VSIG10L: variants seen among roughly 807,000 people sequenced by gnomAD.
The protein encoded by VSIG10L is V-set and immunoglobulin domain-containing protein 10-like.
In VSIG10L, 63 loss-of-function variants were observed where a neutral mutation model predicts 67.3. That is an observed-to-expected ratio of 0.94 (90% confidence interval 0.76 to 1.15). The LOEUF (loss-of-function observed/expected upper bound fraction) is 1.15. VSIG10L is among the 50% of genes most tolerant of loss of function. The pLI, the probability that VSIG10L is intolerant of heterozygous loss-of-function variation, is 0.00. For missense variants in VSIG10L, 1,050 were observed against 1,177.5 expected (o/e 0.89, Z 1.58); for synonymous variants, 499 against 524.9 (o/e 0.95, Z 0.67).
Position 51,341,614 on chromosome 19 carries a change from A to G in VSIG10L, c.434T>C (p.Ile145Thr). 6.4e-7 allele frequency: 1 copy of G among 1,551,716 alleles called. No individual in the cohort carries two copies. ...SFTVKTPASNISTQVSHTKLS... is the reference protein window; with the variant it reads ...SFTVKTPASNTSTQVSHTKLS... Reference sequence around the variant, plus strand: ...TTTGGTATGGGAGACTTGAGTAGAAATGTTTGAAGCTGGGGTCTTAACAGT... The same window carrying G: ...TTTGGTATGGGAGACTTGAGTAGAAGTGTTTGAAGCTGGGGTCTTAACAGT... Residue 145 changes from isoleucine (I) to threonine (T), a missense_variant, in exon 2 of 10, where the codon ATT becomes ACT. Transcript: ENST00000335624.
rs761171116 is a variant in VSIG10L, at chr19:51,337,546, T to G, written c.2009-12A>C. ...GGATATGGAGGGTCCTAGAGGGATG[T>G]GGGGGTGGCTGGATTCTTGGGTGCC... On this transcript the variant is annotated splice_polypyrimidine_tract_variant and intron_variant, in intron 6 of 9. Coordinates refer to ENST00000335624, the MANE Select transcript of VSIG10L (RefSeq NM_001163922.3). 36 of 1,102,850 alleles carry G rather than the reference T, an allele frequency of 3.3e-5. No individual in the cohort carries two copies. Among genetic ancestry groups the G allele is most frequent in the Non-Finnish European group, 1.2e-5 (11 of 885,656 alleles). 68.3% of individuals were successfully genotyped at this position (1,102,850 alleles called of 1,614,324 possible). A position where few individuals can be genotyped will look rare whatever the true frequency, so the allele number is the denominator to read the frequency against.
chr19:51,340,060 G>A lies in VSIG10L; in HGVS notation c.1429C>T (p.Arg477Cys). The A allele has an allele frequency of 2.1e-6, 3 of 1,435,702 alleles. No individual in the cohort carries two copies. The highest frequency in any genetic ancestry group is 1.5e-5 in the African/African-American group (1 of 67,710). 88.9% of individuals were successfully genotyped at this position (1,435,702 alleles called of 1,614,324 possible). The change falls in exon 4 of 10, where the codon CGT becomes TGT. Residue 477 changes from arginine (R) to cysteine (C), a missense_variant. Physicochemically the swap from Arg to Cys is radical, Grantham distance 180 (BLOSUM62 -3). Coordinates refer to ENST00000335624, the MANE Select transcript of VSIG10L (RefSeq NM_001163922.3). This position sits in a 1 kb window ranked among gnomAD's most constrained non-coding sequence, Gnocchi z 6.3. ...AGCGAGCGGCGGCGGCGGCCGGTAC[G>A]CGGGTTCGCCGCCAGGCAGGCGTAG... Reference protein sequence around the residue: ...GTYACLAANPRTGRRRRSLLN... With the variant: ...GTYACLAANPCTGRRRRSLLN...
At chr19:51,332,996 C>T (rs534020368) in intron 9 of VSIG10L, among the ~76,000 whole-genome samples, 2 of 152,010 alleles carry the variant, frequency 1.3e-5, no homozygotes, top group African/African-American at 2.4e-5. Context: ...ACTACAGGTA[C>T]GTGCCACCAT....
Position 51,333,796 on chromosome 19 carries a change from AG to A in VSIG10L, c.2568del (p.Tyr857ThrfsTer81). On this transcript the variant is annotated frameshift_variant, in exon 9 of 10. Transcript: ENST00000335624. LOFTEE classifies it low-confidence loss of function (END_TRUNC). ...ATGAGGGCACCCACACTCACTTGGT[AG>A]GCCCTAGTTGAGCTGTGGTCCTCCA... The part of the protein sequence containing the change: ...VPLEDHSSTR[A>X]YQAQTPVQLS... 6.5e-7 allele frequency: 1 copy of A among 1,543,936 alleles called. No individual in the cohort carries two copies. The highest frequency in any genetic ancestry group is 2.4e-5 in the East Asian group (1 of 40,840).
intron 6 of VSIG10L, 118 bp downstream of exon 6, chr19:51,337,812 C>A: frequency 7.6e-7 from 1 of 1,308,484 alleles, no homozygotes; most frequent in Non-Finnish European, 1.0e-6. Context: ...GGAGGAGAGG[C>A]TGGGGGCCTG....
In VSIG10L at chr19:51,340,292, CG is replaced by C. The variant is rs1316793881; in HGVS notation, c.1196del (p.Pro399ArgfsTer26). 2.6e-6 allele frequency: 4 copies of C among 1,517,922 alleles called. No homozygotes were observed. In the Admixed American group the frequency reaches 8.1e-5, roughly 31 times the overall value. 94.0% of individuals were successfully genotyped at this position (1,517,922 alleles called of 1,614,324 possible). On this transcript the variant is annotated frameshift_variant, in exon 4 of 10. Coordinates refer to ENST00000335624, the MANE Select transcript of VSIG10L (RefSeq NM_001163922.3). LOFTEE classifies it high-confidence loss of function. This position sits in a 1 kb window ranked among gnomAD's most constrained non-coding sequence, Gnocchi z 6.3. ...AAADVSVFYGPDPPTITVSSD... is the reference protein window; with the variant it reads ...AAADVSVFYGXDPPTITVSSD... ...AGGAGACCGTGATGGTCGGCGGGTC[CG>C]GGCCGTCTGGAGGGAGGAGGGGTCG...
rs1357610886 is a variant in VSIG10L, at chr19:51,337,330, G to A, written c.2213C>T (p.Pro738Leu). Residue 738 changes from proline (P) to leucine (L), a missense_variant, in exon 7 of 10, where the codon CCA (proline) becomes CTA (leucine). Transcript: ENST00000335624. ...PQERSAVVPL[P>L]PRNPGTWTFR... ...GGTCCAGGTCCCTGGGTTCCGAGGT[G>A]GAAGGGGCACCACGGCTGACCGCTC... 6.4e-7 allele frequency: 1 copy of A among 1,551,698 alleles called. No homozygotes were observed. Among genetic ancestry groups the A allele is most frequent in the Non-Finnish European group, 8.7e-7 (1 of 1,146,972 alleles).
Position 51,341,295 on chromosome 19 carries a change from G to T in VSIG10L, c.753C>A (p.His251Gln). 2 of 1,546,620 alleles carry T rather than the reference G, an allele frequency of 1.3e-6. No individual in the cohort carries two copies. Residue 251 changes from histidine (H) to glutamine (Q), a missense_variant, in exon 2 of 10, where the codon CAC becomes CAA. Transcript: ENST00000335624. ...CCTGGTCAAATCGCAGGTGGTCTCG[G>T]TGAGCAGGGTCCAGGCTGATCAGAG... is the stretch of plus-strand genomic sequence containing the variant. ...GAPLISLDPA[H>Q]RDHLRFDQAR...
chr19:51,336,683 GC>G (rs1337215935), intron 7 of VSIG10L, among the ~76,000 whole-genome samples: 2 of 151,964 alleles, frequency 1.3e-5, no homozygotes, highest in African/African-American at 4.8e-5. Context: ...GGATGAAACA[GC>G]CGCCACCAGG....
In VSIG10L at chr19:51,340,684, G is replaced by C. The variant is rs1985615731; in HGVS notation, c.938C>G (p.Thr313Arg). The change falls in exon 3 of 10, where the codon ACA becomes AGA. Residue 313 changes from threonine (T) to arginine (R), a missense_variant. This residue lies in a region of VSIG10L where 511 missense variants were observed against 557.9 expected (regional missense o/e 0.92). Transcript: ENST00000335624. The surrounding 1 kb of genome is among the most constrained non-coding windows in gnomAD (Gnocchi z 6.3). ...CCGGAGCTCGGCCGCCCCCTCCTCTGTCTCTGGAGCCTTGGGCTGAACCGA... is the reference window on the plus strand; with the variant it reads ...CCGGAGCTCGGCCGCCCCCTCCTCTCTCTCTGGAGCCTTGGGCTGAACCGA... ...QLSVQPKAPETEEGAAELRLR... is the reference protein window; with the variant it reads ...QLSVQPKAPEREEGAAELRLR... 1.3e-6 allele frequency: 2 copies of C among 1,525,996 alleles called. No homozygotes were observed. The highest frequency in any genetic ancestry group is 2.0e-5 in the Admixed American group (1 of 50,140). The allele number at this position is 1,525,996 out of a possible 1,614,324, so 94.5% of individuals were successfully genotyped here. A position where few individuals can be genotyped will look rare whatever the true frequency, so the allele number is the denominator to read the frequency against.
rs747856833 is a variant in VSIG10L, at chr19:51,340,039, A to AGCG, written c.1447_1449dup (p.Arg483dup). 14 of 1,436,706 alleles carry AGCG rather than the reference A, an allele frequency of 9.7e-6. No individual in the cohort carries two copies. In the Admixed American group the frequency reaches 1.0e-4, roughly 11 times the overall value. The allele number at this position is 1,436,706 out of a possible 1,614,324, so 89.0% of individuals were successfully genotyped here. A position where few individuals can be genotyped will look rare whatever the true frequency, so the allele number is the denominator to read the frequency against. On this transcript the variant is annotated inframe_insertion, in exon 4 of 10. Transcript: ENST00000335624. This position sits in a 1 kb window ranked among gnomAD's most constrained non-coding sequence, Gnocchi z 6.3. ...CCCGCCACTGTAAGGTTGAGCAGCG[A>AGCG]GCGGCGGCGGCGGCCGGTACGCGGG... is the stretch of plus-strand genomic sequence containing the variant.
Position 51,338,926 on chromosome 19 carries a change from C to A in VSIG10L, c.1691G>T (p.Arg564Leu). Reference sequence around the variant, plus strand: ...GCAGGTACGCGTGGCCACCAGGTGGCGAGCAAGGCAGGTGATGGGGACGCC... The same window carrying A: ...GCAGGTACGCGTGGCCACCAGGTGGAGAGCAAGGCAGGTGATGGGGACGCC... Reference protein sequence around the residue: ...LSGVPITCLARHLVATRTCTV... With the variant: ...LSGVPITCLALHLVATRTCTV... The change falls in exon 5 of 10, where the codon CGC becomes CTC. Residue 564 changes from arginine to leucine, a missense_variant. Physicochemically the swap from Arg to Leu is moderately radical, Grantham distance 102 (BLOSUM62 -2). Transcript: ENST00000335624. 1 of 1,445,510 alleles carries A rather than the reference C, an allele frequency of 6.9e-7. No homozygotes were observed. Among genetic ancestry groups the A allele is most frequent in the South Asian group, 1.4e-5 (1 of 71,944 alleles). 89.5% of individuals were successfully genotyped at this position (1,445,510 alleles called of 1,614,324 possible).
chr19:51,340,391 C>G lies in VSIG10L; in HGVS notation c.1189+42G>C. 1 of 1,462,152 alleles carries G rather than the reference C, an allele frequency of 6.8e-7. No homozygotes were observed. The highest frequency in any genetic ancestry group is 2.6e-5 in the East Asian group (1 of 38,884). 90.6% of individuals were successfully genotyped at this position (1,462,152 alleles called of 1,614,324 possible). ...GACTGGGTCCCCAGCCCGCTTCTCC[C>G]CAAGGACCCCCTGTCCCCGACCCGA... On this transcript the variant is annotated intron_variant, in intron 3 of 9. Coordinates refer to ENST00000335624, the MANE Select transcript of VSIG10L (RefSeq NM_001163922.3). This position sits in a 1 kb window ranked among gnomAD's most constrained non-coding sequence, Gnocchi z 6.3.
At chr19:51,338,829 C>T in intron 5 of VSIG10L, 59 bp downstream of exon 5, 2 of 1,337,048 alleles carry the variant, frequency 1.5e-6, no homozygotes, top group Non-Finnish European at 1.9e-6. Flanking sequence ...TTTCGAAGGA[C>T]CAAAGAAAAA....
chr19:51,337,898 A>T (rs1186058153), intron 6 of VSIG10L, 32 bp downstream of exon 6: 2 of 1,514,518 alleles, frequency 1.3e-6, no homozygotes, highest in Admixed American at 2.2e-5. Context: ...GGGGACGTGG[A>T]CTTCAGGGTT....
Position 51,340,495 on chromosome 19 carries a change from T to C in VSIG10L, c.1127A>G (p.Tyr376Cys). The C allele has an allele frequency of 6.5e-7, 1 of 1,528,172 alleles. No homozygotes were observed. Among genetic ancestry groups the C allele is most frequent in the Non-Finnish European group, 8.8e-7 (1 of 1,141,160 alleles). The allele number at this position is 1,528,172 out of a possible 1,614,324, so 94.7% of individuals were successfully genotyped here. A position where few individuals can be genotyped will look rare whatever the true frequency, so the allele number is the denominator to read the frequency against. ...GAAGGGGCTGCGGACGCGGCAAGTGTACCGGGCGTGGTCGCTGCGCACAGG... is the reference window on the plus strand; with the variant it reads ...GAAGGGGCTGCGGACGCGGCAAGTGCACCGGGCGTGGTCGCTGCGCACAGG... ...VRPVRSDHAR[Y>C]TCRVRSPFGH... The change falls in exon 3 of 10, where the codon TAC becomes TGC. Residue 376 changes from tyrosine (Y) to cysteine (C), a missense_variant. Physicochemically the swap from Tyr to Cys is radical, Grantham distance 194. Around this residue, in one of 3 missense-constraint regions of VSIG10L, gnomAD observed 511 missense variants for 557.9 expected, o/e 0.92. Coordinates refer to ENST00000335624, the MANE Select transcript of VSIG10L (RefSeq NM_001163922.3). The surrounding 1 kb of genome is among the most constrained non-coding windows in gnomAD (Gnocchi z 6.3).
At chr19:51,336,857 C>T (rs896681819) in intron 7 of VSIG10L, among the ~76,000 whole-genome samples, 6 of 151,052 alleles carry the variant, frequency 4.0e-5, no homozygotes, top group Non-Finnish European at 8.8e-5. Context: ...AGCTCCGCCT[C>T]CCGGGTTCGC....
rs1416685868 is a variant in VSIG10L, at chr19:51,341,416, AG to A, written c.631del (p.Leu211Ter). 1 of 1,533,550 alleles carries A rather than the reference AG, an allele frequency of 6.5e-7. No individual in the cohort carries two copies. The highest frequency in any genetic ancestry group is 8.8e-7 in the Non-Finnish European group (1 of 1,139,066). The allele number at this position is 1,533,550 out of a possible 1,614,324, so 95.0% of individuals were successfully genotyped here. On this transcript the variant is annotated frameshift_variant, in exon 2 of 10. Coordinates refer to ENST00000335624, the MANE Select transcript of VSIG10L (RefSeq NM_001163922.3). LOFTEE classifies it high-confidence loss of function. ...GGGCCCAGGGTTGGGGATTGGGACTAGGGGGAGCCGGATGGTGGTCCCCACC... is the reference window on the plus strand; with the variant it reads ...GGGCCCAGGGTTGGGGATTGGGACTAGGGGAGCCGGATGGTGGTCCCCACC... ...VLVGTTIRLPLVPIPNPGPPT... is the reference protein window; with the variant it reads ...VLVGTTIRLPXVPIPNPGPPT...
chr19:51,337,849 C>G, intron 6 of VSIG10L, 81 bp downstream of exon 6: 3 of 1,458,066 alleles, frequency 2.1e-6, no homozygotes, highest in Non-Finnish European at 2.7e-6. Context: ...GAGGAGAGGT[C>G]TGGGGCCTGA....
Sources: allele counts gnomAD v4.1 joint callset (sites outside exome capture counted in the v4.1 genomes callset), GRCh38; gene constraint gnomAD v4.1.1; regional missense constraint gnomAD v4.1.1; non-coding constraint Gnocchi (gnomAD v3.1); transcripts MANE v1.5; gene names NCBI Gene and HGNC (gene_info 2026-07-23, HGNC 2026-07-21).